CPNE4: variants seen among roughly 807,000 people sequenced by gnomAD.
The protein encoded by CPNE4 is copine-4.
In CPNE4, 25 loss-of-function variants were observed where a neutral mutation model predicts 67.9. The observed-to-expected ratio is 0.37, with a 90% CI of 0.27 to 0.51. CPNE4 has a LOEUF of 0.51. CPNE4 is among the 20% of genes least tolerant of loss of function. The pLI is 0.93. For synonymous variants in CPNE4, 242 were observed against 244.9 expected, an observed-to-expected ratio of 0.99 and a Z score of 0.11; for missense variants, 464 against 690.8, an observed-to-expected ratio of 0.67 and a Z score of 3.68.
chr3:131,627,917 A>AT (rs2079119293), intron 7 of CPNE4, among the ~76,000 whole-genome samples: 1 of 152,222 alleles, frequency 6.6e-6, no homozygotes, highest in Admixed American at 6.5e-5. Flanking sequence ...CCTAGTGAAG[A>AT]TTCCATAAAC....
chr3:131,573,205 C>T (rs1937423766), intron 10 of CPNE4, among the ~76,000 whole-genome samples: 2 of 152,064 alleles, frequency 1.3e-5, no homozygotes, highest in South Asian at 2.1e-4. Context: ...TTGGCTGCCC[C>T]CTTCTCCTCA....
chr3:131,903,151 T>C (rs1168032068), intron 2 of CPNE4, among the ~76,000 whole-genome samples: 1 of 152,068 alleles, frequency 6.6e-6, no homozygotes, highest in African/African-American at 2.4e-5. Context: ...GACTGTCTCT[T>C]AGAGGGACAC....
intron 10 of CPNE4, among the ~76,000 whole-genome samples, chr3:131,568,796 C>T (rs1303731857): frequency 6.6e-6 from 1 of 152,056 alleles, no homozygotes; most frequent in Non-Finnish European, 1.5e-5. Context: ...AACAACCCCA[C>T]TCCTCAGATC....
At chr3:131,542,962 A>G in intron 14 of CPNE4, 169 bp from the exon 15 acceptor site, 1 of 591,194 alleles carries the variant, frequency 1.7e-6, no homozygotes, top group Non-Finnish European at 3.0e-6. Flanking sequence ...TAGGGTTCTG[A>G]TGAATGGAGC....
intron 2 of CPNE4, among the ~76,000 whole-genome samples, chr3:131,724,132 T>C (rs979307177): frequency 2.0e-5 from 3 of 152,158 alleles, no homozygotes; most frequent in African/African-American, 7.2e-5. Context: ...GGCACAGTAA[T>C]GGAGAAAGTG....
intron 2 of CPNE4, among the ~76,000 whole-genome samples, chr3:131,775,332 T>C (rs1393421480): frequency 6.6e-6 from 1 of 152,132 alleles, no homozygotes; most frequent in East Asian, 1.9e-4. Context: ...CATTTTCTTT[T>C]GTTCCAGGAA....
At chr3:131,727,486 A>G (rs1192980995) in intron 2 of CPNE4, among the ~76,000 whole-genome samples, 1 of 151,930 alleles carries the variant, frequency 6.6e-6, no homozygotes, top group Non-Finnish European at 1.5e-5. Context: ...AAAAAAATCT[A>G]AAACATTTTT....
intron 2 of CPNE4, among the ~76,000 whole-genome samples, chr3:131,824,397 C>T (rs1482884607): frequency 6.6e-6 from 1 of 152,114 alleles, no homozygotes; most frequent in South Asian, 2.1e-4. Flanking sequence ...CCAGGGGACT[C>T]GAGTATATAA....
chr3:131,852,641 T>C (rs920187113), intron 2 of CPNE4, among the ~76,000 whole-genome samples: 1 of 151,736 alleles, frequency 6.6e-6, no homozygotes, highest in African/African-American at 2.4e-5. Flanking sequence ...ATCTTTTCAA[T>C]AGTGTACTGC....
intron 1 of CPNE4, among the ~76,000 whole-genome samples, chr3:131,980,017 T>C (rs2072866160): frequency 2.0e-5 from 3 of 152,176 alleles, no homozygotes; most frequent in African/African-American, 2.4e-5. Context: ...AGGCAGAAGA[T>C]AGGGCCTCAA....
chr3:131,816,463 C>G (rs562064155), intron 2 of CPNE4, among the ~76,000 whole-genome samples: 47 of 152,216 alleles, frequency 3.1e-4, no homozygotes, highest in African/African-American at 1.1e-3. Flanking sequence ...TTTACTTTTC[C>G]TAGCTTGTTT....
At chr3:131,899,470 C>T (rs559624085) in intron 2 of CPNE4, among the ~76,000 whole-genome samples, 1 of 152,192 alleles carries the variant, frequency 6.6e-6, no homozygotes. Context: ...CAAAATATGT[C>T]TGCAGACAAC....
chr3:131,555,257 A>G (rs1001728620), intron 12 of CPNE4, among the ~76,000 whole-genome samples: 1 of 152,028 alleles, frequency 6.6e-6, no homozygotes, highest in African/African-American at 2.4e-5. Context: ...AAGAAACTAA[A>G]CAATGAAACT....
intron 2 of CPNE4, among the ~76,000 whole-genome samples, chr3:131,801,428 G>GTGTA (rs1553774175): frequency 4.1e-4 from 38 of 91,922 alleles, no homozygotes; most frequent in African/African-American, 1.7e-3. Flanking sequence ...GTGTGTGTGT[G>GTGTA]TGTGTGTGTG....
chr3:131,792,623 A>ATATATACACACGTGTATATATG (rs2083762576), intron 2 of CPNE4, among the ~76,000 whole-genome samples: 4 of 76,046 alleles, frequency 5.3e-5, no homozygotes, highest in African/African-American at 2.0e-4. Context: ...ATATATGTAT[A>ATATATACACACGTGTATATATG]TATATATACA....
intron 7 of CPNE4, among the ~76,000 whole-genome samples, chr3:131,648,651 A>G (rs1296180933): frequency 1.3e-5 from 2 of 152,246 alleles, no homozygotes; most frequent in African/African-American, 2.4e-5. Flanking sequence ...TTTGAAATTG[A>G]CATGGTTCTG....
At position 131,963,393 on chromosome 3, in the gene CPNE4, C is replaced by T. The variant is rs146706350; in HGVS notation, c.-1-57949G>A. Reference sequence around the variant, plus strand: ...ACCTGCAACCCCAGCGAGACAGAACCGTTCACTCCCTTGGAAAGGGAGCTG... The same window carrying T: ...ACCTGCAACCCCAGCGAGACAGAACTGTTCACTCCCTTGGAAAGGGAGCTG... On this transcript the variant is annotated intron_variant, in intron 1 of 15. Transcript: ENST00000429747. Among the ~76,000 whole-genome samples the T allele has an allele frequency of 7.9e-5, 12 of 152,082 alleles. No individual in the cohort carries two copies. In the East Asian group the frequency reaches 2.1e-3, roughly 27 times the overall value.
intron 7 of CPNE4, among the ~76,000 whole-genome samples, chr3:131,613,197 A>G (rs554874189): frequency 6.6e-6 from 1 of 152,190 alleles, no homozygotes; most frequent in African/African-American, 2.4e-5. Flanking sequence ...TCCAGGTTCT[A>G]TAGTTGAGCT....
At chr3:131,700,319 T>C (rs75059069) in intron 3 of CPNE4, among the ~76,000 whole-genome samples, 2,028 of 152,194 alleles carry the variant, frequency 0.013, 45 homozygotes, top group African/African-American at 0.045. Context: ...AGATAAAGTT[T>C]CAAAATGATC....
Sources: allele counts gnomAD v4.1 joint callset (sites outside exome capture counted in the v4.1 genomes callset), GRCh38; gene constraint gnomAD v4.1.1; transcripts MANE v1.5; gene names NCBI Gene and HGNC (gene_info 2026-07-23, HGNC 2026-07-21).